The following AAGAB variants were observed in gnomAD, a reference collection of about 807,000 sequenced individuals.
The protein encoded by AAGAB is alpha and gamma adaptin binding protein.
Under a neutral mutation model 44.1 loss-of-function variants are expected in AAGAB, and 38 were observed. The observed-to-expected ratio is 0.86, with a 90% confidence interval of 0.67 to 1.13. The LOEUF is 1.13. Ranked by LOEUF, AAGAB falls within the 50% of genes most tolerant of loss-of-function variation. The pLI is 0.00. For synonymous variants in AAGAB, 131 were observed against 131.8 expected (o/e 0.99, Z 0.04); for missense variants, 450 against 373.8 (o/e 1.20, Z -1.68).
chr15:67,247,171 C>T lies in AAGAB; in HGVS notation c.73+7388G>A, dbSNP rs181602723. Reference sequence around the variant, plus strand: ...TCTGCAGCTTCACTCCTGAAGTCAGCGAGACCACGAACCCACCAGAAGGAA... The same window carrying T: ...TCTGCAGCTTCACTCCTGAAGTCAGTGAGACCACGAACCCACCAGAAGGAA... On this transcript the variant is annotated intron_variant, in intron 1 of 9. Transcript: ENST00000261880. 2.8e-4 allele frequency among the ~76,000 whole-genome samples: 43 copies of T among 152,162 alleles called. No homozygotes were observed. The East Asian group carries it at 8.1e-3, about 29-fold the overall frequency.
chr15:67,251,090 G>A (rs972297897), intron 1 of AAGAB, among the ~76,000 whole-genome samples: 7 of 152,090 alleles, frequency 4.6e-5, no homozygotes, highest in South Asian at 2.1e-4. Context: ...CCTTTTATCC[G>A]ATGTCAGACA....
chr15:67,225,379 A>C (rs1368036135), intron 5 of AAGAB, among the ~76,000 whole-genome samples: 1 of 152,098 alleles, frequency 6.6e-6, no homozygotes, highest in Admixed American at 6.6e-5. Flanking sequence ...TGGTGGTATC[A>C]TTTCCTTCTT....
chr15:67,205,498 A>G (rs1315436698), intron 7 of AAGAB, among the ~76,000 whole-genome samples: 2 of 152,234 alleles, frequency 1.3e-5, no homozygotes, highest in Non-Finnish European at 2.9e-5. Context: ...AAGAATGACA[A>G]TATTTAAAGG....
At chr15:67,215,866 G>T (rs1007999363) in intron 5 of AAGAB, among the ~76,000 whole-genome samples, 5 of 152,086 alleles carry the variant, frequency 3.3e-5, no homozygotes, top group Non-Finnish European at 1.5e-5. Flanking sequence ...TCACTAAACT[G>T]CTTGAAAAGG....
chr15:67,237,543 A>G (rs1246318570), intron 1 of AAGAB, among the ~76,000 whole-genome samples: 2 of 152,236 alleles, frequency 1.3e-5, no homozygotes, highest in Non-Finnish European at 2.9e-5. Context: ...AAATCCCCAC[A>G]GTAAGAGACA....
chr15:67,207,344 A>G (rs750010354), intron 7 of AAGAB, among the ~76,000 whole-genome samples: 7 of 152,246 alleles, frequency 4.6e-5, no homozygotes, highest in Non-Finnish European at 7.3e-5. Flanking sequence ...TAATACACGC[A>G]TATACACACA....
intron 5 of AAGAB, among the ~76,000 whole-genome samples, chr15:67,210,589 A>G (rs1255605069): frequency 6.6e-6 from 1 of 152,214 alleles, no homozygotes; most frequent in Non-Finnish European, 1.5e-5. Flanking sequence ...GACTCCCAGT[A>G]TGCTGTTTGT....
At position 67,231,844 on chromosome 15, in the gene AAGAB, T is replaced by A; in HGVS notation, c.505A>T (p.Asn169Tyr). 4 of 1,612,734 alleles carry A rather than the reference T, an allele frequency of 2.5e-6. No individual in the cohort carries two copies. The highest frequency in any genetic ancestry group is 3.4e-6 in the Non-Finnish European group (4 of 1,178,910). Residue 169 changes from asparagine to tyrosine, a missense_variant, in exon 5 of 10, where the codon AAT becomes TAT. By Grantham distance (143) the Asn-to-Tyr change is moderately radical. Transcript: ENST00000261880. ...TTCATCACTACATTGGACCACACAT[T>A]GGCATTCAGGGCTTGGACAATTCGC... ...VKRIVQALNANVWSNVVMKND... is the reference protein window; with the variant it reads ...VKRIVQALNAYVWSNVVMKND...
intron 1 of AAGAB, among the ~76,000 whole-genome samples, chr15:67,250,459 G>T (rs1037198194): frequency 6.6e-6 from 1 of 152,164 alleles, no homozygotes; most frequent in East Asian, 1.9e-4. Flanking sequence ...TTACAGGCGT[G>T]AGCCACCATG....
At chr15:67,219,108 C>T (rs1964013329) in intron 5 of AAGAB, among the ~76,000 whole-genome samples, 1 of 152,134 alleles carries the variant, frequency 6.6e-6, no homozygotes, top group Non-Finnish European at 1.5e-5. Context: ...TAGGGTAGAG[C>T]TTAGCACATG....
chr15:67,247,436 T>C (rs117325434), intron 1 of AAGAB, among the ~76,000 whole-genome samples: 2,573 of 152,338 alleles, frequency 0.017, 28 homozygotes, highest in Non-Finnish European at 0.024. Flanking sequence ...TCTAGATTTT[T>C]ACCTTTTGCC....
intron 5 of AAGAB, chr15:67,220,584 T>C (rs1241915548): frequency 2.0e-5 from 3 of 152,242 alleles, no homozygotes; most frequent in Non-Finnish European, 4.4e-5. Flanking sequence ...ATGGAGATTC[T>C]ATGTTCTAAA....
chr15:67,225,561 C>T (rs1321156005), intron 5 of AAGAB, among the ~76,000 whole-genome samples: 1 of 152,198 alleles, frequency 6.6e-6, no homozygotes, highest in Admixed American at 6.5e-5. Flanking sequence ...AGCAACCTCT[C>T]CTCCCATACC....
intron 1 of AAGAB, among the ~76,000 whole-genome samples, chr15:67,239,630 C>A (rs772548715): frequency 5.9e-5 from 9 of 152,100 alleles, no homozygotes; most frequent in Non-Finnish European, 1.2e-4. Flanking sequence ...TCTAATCAAA[C>A]ACTTTCTTCA....
intron 1 of AAGAB, among the ~76,000 whole-genome samples, chr15:67,238,341 A>G (rs961873258): frequency 2.0e-4 from 30 of 152,202 alleles, no homozygotes; most frequent in Non-Finnish European, 3.8e-4. Flanking sequence ...GTGTCAGTCA[A>G]TTCCATCGCA....
At chr15:67,250,136 A>G (rs1055606749) in intron 1 of AAGAB, among the ~76,000 whole-genome samples, 16 of 152,108 alleles carry the variant, frequency 1.1e-4, no homozygotes, top group Admixed American at 7.2e-4. Context: ...CTTCATTTTA[A>G]TATTTTCACA....
chr15:67,232,915 C>T (rs1036768635), intron 4 of AAGAB: 14 of 153,980 alleles, frequency 9.1e-5, no homozygotes, highest in African/African-American at 2.2e-4. Context: ...AACTTTCATG[C>T]GGAAAAAAAA....
chr15:67,217,519 C>A (rs1963977818), intron 5 of AAGAB, among the ~76,000 whole-genome samples: 2 of 152,084 alleles, frequency 1.3e-5, no homozygotes, highest in Non-Finnish European at 2.9e-5. Context: ...CACAGATAGA[C>A]CTTGTGTTTA....
At chr15:67,209,407 T>C in intron 6 of AAGAB, 55 bp downstream of exon 6, 1 of 1,345,412 alleles carries the variant, frequency 7.4e-7, no homozygotes, top group Non-Finnish European at 1.1e-6. Flanking sequence ...AGATTCATAA[T>C]GACAAGGAGA....
Sources: gnomAD v4.1 joint callset for allele counts (sites outside exome capture counted in the v4.1 genomes callset) on GRCh38, gnomAD v4.1.1 for gene constraint, MANE v1.5 for transcripts, NCBI Gene and HGNC (gene_info 2026-07-23, HGNC 2026-07-21) for gene names.